The following GALNT13 variants were observed in gnomAD, a reference collection of about 807,000 sequenced individuals.
GALNT13 encodes UDP-GalNAc:polypeptide N-acetylgalactosaminyltransferase 13.
GALNT13 carries 28 observed loss-of-function variants against 64.2 expected under a neutral mutation model. The observed-to-expected ratio is 0.44, with a 90% confidence interval of 0.32 to 0.60. GALNT13 has a LOEUF of 0.60. Among genes scored for constraint, GALNT13 ranks in the 20% least tolerant of loss-of-function variants. The pLI is 0.05. For missense variants in GALNT13, 577 were observed against 669.8 expected (o/e 0.86, Z 1.53); for synonymous variants, 214 against 224.6 (o/e 0.95, Z 0.42).
At chr2:153,637,535 T>C in the GALNT13 span, among the ~76,000 whole-genome samples, 1 of 152,172 alleles carries the variant, frequency 6.6e-6, no homozygotes, top group African/African-American at 2.4e-5. Context: ...TTACTTCTTA[T>C]CAGGCTTGTT....
the GALNT13 span, among the ~76,000 whole-genome samples, chr2:153,091,930 T>G: frequency 2.6e-5 from 4 of 152,208 alleles, no homozygotes; most frequent in African/African-American, 9.6e-5. Flanking sequence ...ACAAGTGTCC[T>G]GGAGATTTTT....
At chr2:154,022,051 G>A (rs1232358802) in intron 3 of GALNT13, among the ~76,000 whole-genome samples, 1 of 152,152 alleles carries the variant, frequency 6.6e-6, no homozygotes, top group African/African-American at 2.4e-5. Context: ...CAGGGATGAA[G>A]CCCACTTGAT....
the GALNT13 span, among the ~76,000 whole-genome samples, chr2:153,521,849 G>T: frequency 6.6e-6 from 1 of 152,030 alleles, no homozygotes; most frequent in South Asian, 2.1e-4. Flanking sequence ...ATGGTCCTCT[G>T]TGTCTTTTCA....
chr2:154,356,239 T>G (rs1259361045), intron 9 of GALNT13, among the ~76,000 whole-genome samples: 1 of 152,030 alleles, frequency 6.6e-6, no homozygotes, highest in East Asian at 1.9e-4. Context: ...AGGTTTTCCT[T>G]AGAACTCTTT....
chr2:153,801,929 G>C, the GALNT13 span, among the ~76,000 whole-genome samples: 1 of 151,970 alleles, frequency 6.6e-6, no homozygotes, highest in African/African-American at 2.4e-5. Flanking sequence ...GTGTCTTTCT[G>C]CTTCTAATTT....
chr2:153,111,422 G>GT, the GALNT13 span, among the ~76,000 whole-genome samples: 1 of 152,090 alleles, frequency 6.6e-6, no homozygotes, highest in East Asian at 1.9e-4. Flanking sequence ...TTGTAAGCCA[G>GT]TTTTTTTCAC....
the GALNT13 span, among the ~76,000 whole-genome samples, chr2:153,387,332 A>G: frequency 1.7e-4 from 26 of 152,208 alleles, no homozygotes; most frequent in African/African-American, 5.8e-4. Context: ...TCTAATACCC[A>G]CATACAAACA....
intron 4 of GALNT13, among the ~76,000 whole-genome samples, chr2:154,202,425 G>A (rs1467407193): frequency 6.6e-6 from 1 of 152,020 alleles, no homozygotes; most frequent in African/African-American, 2.4e-5. Flanking sequence ...ATGAATGGAG[G>A]TAGCATTTTT....
At chr2:154,417,211 C>A (rs1700047805) in intron 11 of GALNT13, among the ~76,000 whole-genome samples, 1 of 150,108 alleles carries the variant, frequency 6.7e-6, no homozygotes, top group African/African-American at 2.4e-5. Flanking sequence ...ATCTTCATTC[C>A]ACCTTCCTTA....
At chr2:153,170,707 T>C in the GALNT13 span, among the ~76,000 whole-genome samples, 1 of 152,200 alleles carries the variant, frequency 6.6e-6, no homozygotes, top group African/African-American at 2.4e-5. Context: ...ACAAATGAAG[T>C]TAACATTATC....
chr2:153,094,763 T>C, the GALNT13 span, among the ~76,000 whole-genome samples: 1 of 152,014 alleles, frequency 6.6e-6, no homozygotes, highest in South Asian at 2.1e-4. Flanking sequence ...TCTTTGACAA[T>C]CCTGACAAAA....
rs1328809803 is a variant in GALNT13 at position 154,451,315 on chromosome 2, G to A, written c.*764G>A. On this transcript the variant is annotated 3_prime_UTR_variant, in exon 13 of 13. Transcript: ENST00000392825. ...ACACAGGCTGAAACTAAACAATCTT[G>A]CTCCTAGAGTTTATGTTGGATACTC... 2.0e-5 allele frequency: 3 copies of A among 152,004 alleles called. No individual in the cohort carries two copies. Among genetic ancestry groups the A allele is most frequent in the Admixed American group, 6.6e-5 (1 of 15,212 alleles). The allele number at this position is 152,004 out of a possible 1,614,324, so 9.4% of individuals were successfully genotyped here. A position where few individuals can be genotyped will look rare whatever the true frequency, so the allele number is the denominator to read the frequency against.
intron 1 of GALNT13, among the ~76,000 whole-genome samples, chr2:153,883,596 G>A (rs943446256): frequency 6.6e-6 from 1 of 152,238 alleles, no homozygotes; most frequent in East Asian, 1.9e-4. Flanking sequence ...GCTATGTGAA[G>A]TAGTCCAGGA....
At chr2:154,122,037 A>G (rs1681977051) in intron 3 of GALNT13, among the ~76,000 whole-genome samples, 1 of 151,922 alleles carries the variant, frequency 6.6e-6, no homozygotes, top group South Asian at 2.1e-4. Context: ...CTTGATTTCT[A>G]TTGTCTGAAA....
At chr2:153,243,052 G>T in the GALNT13 span, among the ~76,000 whole-genome samples, 1 of 152,202 alleles carries the variant, frequency 6.6e-6, no homozygotes, top group Non-Finnish European at 1.5e-5. Context: ...GCTAATATCA[G>T]TTGTGGAGGT....
At chr2:153,732,020 T>A in the GALNT13 span, among the ~76,000 whole-genome samples, 1 of 152,114 alleles carries the variant, frequency 6.6e-6, no homozygotes, top group East Asian at 1.9e-4. Context: ...TTTTTCATTT[T>A]AGAAAAAGGA....
chr2:153,261,536 G>A, the GALNT13 span, among the ~76,000 whole-genome samples: 3,332 of 152,220 alleles, frequency 0.022, 132 homozygotes, highest in African/African-American at 0.076. Context: ...AACAAATGGA[G>A]CCTCTTACTC....
intron 11 of GALNT13, among the ~76,000 whole-genome samples, chr2:154,425,626 G>T (rs959722236): frequency 6.6e-6 from 1 of 152,122 alleles, no homozygotes; most frequent in African/African-American, 2.4e-5. Flanking sequence ...AAACATAGGC[G>T]AATATACCAT....
chr2:154,210,225 C>A (rs1467507255), intron 4 of GALNT13, among the ~76,000 whole-genome samples: 1 of 152,120 alleles, frequency 6.6e-6, no homozygotes, highest in East Asian at 1.9e-4. Flanking sequence ...TTTTCCTTAT[C>A]CACTCATCCA....
Sources: allele counts gnomAD v4.1 joint callset (sites outside exome capture counted in the v4.1 genomes callset), GRCh38; gene constraint gnomAD v4.1.1; transcripts MANE v1.5; gene names NCBI Gene and HGNC (gene_info 2026-07-23, HGNC 2026-07-21).